The following GOLIM4 variants were observed in gnomAD, a reference collection of about 807,000 sequenced individuals.
GOLIM4 encodes the protein 130 kDa golgi-localized phosphoprotein.
In GOLIM4, 71 loss-of-function variants were observed where a neutral mutation model predicts 107.4. The observed-to-expected ratio is 0.66, with a 90% CI of 0.55 to 0.81. GOLIM4 has a LOEUF of 0.81. Among genes scored for constraint, GOLIM4 ranks in the 30% least tolerant of loss-of-function variants. GOLIM4 has a pLI of 0.00. For missense variants in GOLIM4, 830 were observed against 826.1 expected (o/e 1.00, Z -0.06); for synonymous variants, 327 against 294.8 (o/e 1.11, Z -1.12).
chr3:168,041,890 A>T, intron 5 of GOLIM4, among the ~76,000 whole-genome samples: 1 of 152,118 alleles, frequency 6.6e-6, no homozygotes, highest in Middle Eastern at 3.4e-3. Flanking sequence ...TTAAAATTTT[A>T]AAAATATATA....
chr3:168,050,924 C>A (rs758603679), intron 1 of GOLIM4, among the ~76,000 whole-genome samples: 8 of 151,512 alleles, frequency 5.3e-5, no homozygotes, highest in Non-Finnish European at 1.2e-4. Context: ...TCATCACCCA[C>A]CCCAGTCACC....
Position 168,029,288 on chromosome 3 carries a change from T to C in GOLIM4, c.1448A>G (p.Tyr483Cys). The C allele has an allele frequency of 1.2e-6, 2 of 1,606,382 alleles. No homozygotes were observed. Among genetic ancestry groups the C allele is most frequent in the South Asian group, 1.1e-5 (1 of 89,784 alleles). Residue 483 changes from tyrosine to cysteine, a missense_variant, in exon 11 of 16, where the codon TAT (tyrosine) becomes TGT (cysteine). Coordinates refer to ENST00000470487, the MANE Select transcript of GOLIM4 (RefSeq NM_014498.5). ...HQEQLRQQAH[Y>C]DAMDNDIVQG... is the part of the protein sequence containing the mutation. The stretch of plus-strand genomic sequence containing the variant: ...AACGATATCATTATCCATAGCATCA[T>C]AATGAGCTTGCTGCCTACAAGAGAC...
At chr3:168,062,191 A>T (rs549001150) in intron 1 of GOLIM4, among the ~76,000 whole-genome samples, 4 of 152,244 alleles carry the variant, frequency 2.6e-5, no homozygotes, top group African/African-American at 9.6e-5. Flanking sequence ...TGTCAACTCA[A>T]GTTAGGTTTT....
chr3:168,036,777 T>C, intron 8 of GOLIM4, 59 bp downstream of exon 8: 3 of 1,399,250 alleles, frequency 2.1e-6, no homozygotes, highest in Non-Finnish European at 2.9e-6. Flanking sequence ...GCAGGTCCCC[T>C]CTTGGCAACT....
chr3:168,017,073 C>T (rs1327818585), intron 14 of GOLIM4, among the ~76,000 whole-genome samples: 1 of 152,042 alleles, frequency 6.6e-6, no homozygotes, highest in Non-Finnish European at 1.5e-5. Context: ...TATAATACAC[C>T]TATTACAAAA....
intron 14 of GOLIM4, among the ~76,000 whole-genome samples, chr3:168,020,407 G>A (rs1577506091): frequency 6.6e-6 from 1 of 152,106 alleles, no homozygotes; most frequent in African/African-American, 2.4e-5. Context: ...GCTGGTGGTG[G>A]GCGGGTGAAG....
chr3:168,039,266 T>G (rs1266474409), intron 7 of GOLIM4, among the ~76,000 whole-genome samples: 2 of 131,384 alleles, frequency 1.5e-5, no homozygotes, highest in Non-Finnish European at 3.0e-5. Context: ...AAAAAAAAAT[T>G]TTTTTTTTTT....
intron 1 of GOLIM4, among the ~76,000 whole-genome samples, chr3:168,050,869 T>TAATAATAATAAA (rs1553800163): frequency 7.0e-6 from 1 of 142,746 alleles, no homozygotes; most frequent in African/African-American, 2.6e-5. Context: ...ATAATAATAA[T>TAATAATAATAAA]AAAACCTAGC....
At chr3:168,076,503 C>T (rs1018367607) in intron 1 of GOLIM4, among the ~76,000 whole-genome samples, 3 of 152,206 alleles carry the variant, frequency 2.0e-5, no homozygotes, top group African/African-American at 7.2e-5. Context: ...ACCATCCTGG[C>T]CAACATGGTG....
rs1716912751 is a variant in GOLIM4 at position 168,010,225 on chromosome 3, G to C, written c.*44C>G. 9 of 1,569,558 alleles carry C rather than the reference G, an allele frequency of 5.7e-6. No homozygotes were observed. Among genetic ancestry groups the C allele is most frequent in the Middle Eastern group, 1.7e-4 (1 of 5,880 alleles). On this transcript the variant is annotated 3_prime_UTR_variant, in exon 16 of 16. Transcript: ENST00000470487. ...AGGCAGATTTATGTTTGAGCAGCTT[G>C]AAAAGAATCCGTTGGCTGAGCGTTG...
At chr3:168,046,823 G>T in intron 3 of GOLIM4, 127 bp downstream of exon 3, 1 of 460,944 alleles carries the variant, frequency 2.2e-6, no homozygotes, top group Non-Finnish European at 3.9e-6. Context: ...AAAAAAAGGG[G>T]GTGTCAGTCC....
intron 1 of GOLIM4, among the ~76,000 whole-genome samples, chr3:168,068,987 C>T (rs767719027): frequency 2.6e-5 from 4 of 152,062 alleles, no homozygotes; most frequent in Non-Finnish European, 5.9e-5. Context: ...CAGGAGAATG[C>T]CACCATGTCC....
chr3:168,061,145 CAA>C lies in GOLIM4; in HGVS notation c.188-12782_188-12781del, dbSNP rs530702459. Among the ~76,000 whole-genome samples, 436 of 126,744 alleles carry C rather than the reference CAA, an allele frequency of 3.4e-3. 4 individuals are homozygous for C. Among genetic ancestry groups the C allele is most frequent in the African/African-American group, 0.011 (412 of 37,288 alleles). The allele number at this position is 126,744 out of a possible 152,430, so 83.1% of individuals were successfully genotyped here. A position where few individuals can be genotyped will look rare whatever the true frequency, so the allele number is the denominator to read the frequency against. ...CCAAATATACAAGATTTTAGAGAAG[CAA>C]AAAAAAAAAATGGGGCAAAGAATAG... On this transcript the variant is annotated intron_variant, in intron 1 of 15. Transcript: ENST00000470487.
chr3:168,088,550 G>C (rs1721742432), intron 1 of GOLIM4, among the ~76,000 whole-genome samples: 1 of 152,160 alleles, frequency 6.6e-6, no homozygotes, highest in Admixed American at 6.6e-5. Flanking sequence ...CACCCTGCTG[G>C]TAAATGCCTG....
chr3:168,037,441 T>TAAATAC (rs1445791177), intron 7 of GOLIM4, among the ~76,000 whole-genome samples: 1 of 140,912 alleles, frequency 7.1e-6, no homozygotes, highest in East Asian at 2.0e-4. Context: ...AAATAAATTT[T>TAAATAC]AAATACACAT....
At chr3:168,035,584 G>A (rs1006144708) in intron 8 of GOLIM4, among the ~76,000 whole-genome samples, 4 of 152,158 alleles carry the variant, frequency 2.6e-5, no homozygotes, top group African/African-American at 4.8e-5. Flanking sequence ...ACTTATAAGT[G>A]GGAGCTAAAT....
chr3:168,093,579 C>T (rs1722013968), intron 1 of GOLIM4, among the ~76,000 whole-genome samples: 1 of 152,206 alleles, frequency 6.6e-6, no homozygotes, highest in Non-Finnish European at 1.5e-5. Context: ...CTTGGTCTGA[C>T]TCCATGGAAC....
In GOLIM4 at chr3:168,010,327, T is replaced by A; in HGVS notation, c.2033A>T (p.Glu678Val). 6.2e-7 allele frequency: 1 copy of A among 1,613,976 alleles called. No homozygotes were observed. Among genetic ancestry groups the A allele is most frequent in the East Asian group, 2.2e-5 (1 of 44,878 alleles). The change falls in exon 16 of 16, where the codon GAG becomes GTG. Residue 678 changes from glutamate to valine, a missense_variant. Glu to Val is a moderately radical substitution (Grantham distance 121). Transcript: ENST00000470487. Reference sequence around the variant, plus strand: ...AACTGCAGCCCCGTCTTCTTCCTCCTCTTCTTCCTCCTCGTAGTGTTCCTC... The same window carrying A: ...AACTGCAGCCCCGTCTTCTTCCTCCACTTCTTCCTCCTCGTAGTGTTCCTC... ...GREEHYEEEE[E>V]EEEDGAAVAE... is the part of the protein sequence containing the mutation.
chr3:168,079,966 C>T (rs1721263085), intron 1 of GOLIM4, among the ~76,000 whole-genome samples: 2 of 152,090 alleles, frequency 1.3e-5, no homozygotes, highest in Non-Finnish European at 2.9e-5. Flanking sequence ...TAAAATTAAT[C>T]TCTAAAATTA....
Sources: gnomAD v4.1 joint callset for allele counts (sites outside exome capture counted in the v4.1 genomes callset) on GRCh38, gnomAD v4.1.1 for gene constraint, MANE v1.5 for transcripts, NCBI Gene and HGNC (gene_info 2026-07-23, HGNC 2026-07-21) for gene names.